The following ALMS1 variants were observed in gnomAD, a reference collection of about 807,000 sequenced individuals.
ALMS1 encodes centrosome-associated protein ALMS1.
In ALMS1, 271 loss-of-function variants were observed where a neutral mutation model predicts 352.2. The ratio of observed to expected loss-of-function variants is 0.77; its 90% CI spans 0.70 to 0.85. ALMS1 has a LOEUF of 0.85. ALMS1 is among the 40% of genes least tolerant of loss of function. ALMS1 has a pLI of 0.00. For missense variants in ALMS1, 5,445 were observed against 4,870.7 expected, an observed-to-expected ratio of 1.12 and a Z score of -3.51; for synonymous variants, 1,865 against 1,761.2, an observed-to-expected ratio of 1.06 and a Z score of -1.48.
At chr2:73,426,635 T>A in intron 6 of ALMS1, 82 bp downstream of exon 6, 1 of 1,383,906 alleles carries the variant, frequency 7.2e-7, no homozygotes, top group East Asian at 2.3e-5. Context: ...TTGTTTTTAT[T>A]TTACTTTTTA....
intron 10 of ALMS1, 37 bp from the exon 11 acceptor site, chr2:73,519,738 G>T: frequency 6.2e-7 from 1 of 1,613,076 alleles, no homozygotes; most frequent in South Asian, 1.1e-5. Context: ...AATGGCCAAG[G>T]ATATAATCTG....
At chr2:73,435,748 CA>C (rs1671592761) in intron 7 of ALMS1, among the ~76,000 whole-genome samples, 1 of 152,084 alleles carries the variant, frequency 6.6e-6, no homozygotes, top group Non-Finnish European at 1.5e-5. Context: ...TGTACCACTA[CA>C]CTGAGCTAAT....
chr2:73,430,253 T>G (rs922831641), intron 6 of ALMS1, among the ~76,000 whole-genome samples: 3 of 152,096 alleles, frequency 2.0e-5, no homozygotes, highest in Non-Finnish European at 4.4e-5. Flanking sequence ...ATTTTTTGTA[T>G]TTTTAGTAGA....
chr2:73,587,626 C>T (rs1675339916), intron 16 of ALMS1, among the ~76,000 whole-genome samples: 1 of 152,142 alleles, frequency 6.6e-6, no homozygotes, highest in South Asian at 2.1e-4. Context: ...TGGTATGAAA[C>T]CCACTTGACC....
Position 73,407,608 on chromosome 2 carries a change from T to C in ALMS1, c.325-1014T>C, listed in dbSNP as rs543575466. Among the ~76,000 whole-genome samples, 13 of 152,366 alleles carry C rather than the reference T, an allele frequency of 8.5e-5. 1 individual carries two copies. The South Asian group carries it at 2.7e-3, about 32-fold the overall frequency. On this transcript the variant is annotated intron_variant, in intron 1 of 22. Coordinates refer to ENST00000613296, the MANE Select transcript of ALMS1 (RefSeq NM_001378454.1). ...CTATCTAGCATCCTTTAATTTCAGCTTGAAGGACTGCCATTAGCATTTCTT... is the reference window on the plus strand; with the variant it reads ...CTATCTAGCATCCTTTAATTTCAGCCTGAAGGACTGCCATTAGCATTTCTT...
At chr2:73,437,135 G>A (rs865990124) in intron 7 of ALMS1, among the ~76,000 whole-genome samples, 13 of 152,134 alleles carry the variant, frequency 8.5e-5, no homozygotes, top group African/African-American at 3.1e-4. Context: ...TTAGGCTTGA[G>A]CTTTTTATGC....
chr2:73,508,210 T>C (rs1294261104), intron 10 of ALMS1, among the ~76,000 whole-genome samples: 26 of 146,776 alleles, frequency 1.8e-4, no homozygotes, highest in Non-Finnish European at 2.4e-4. Flanking sequence ...TCTTCTTCTT[T>C]TTTTTTTTTT....
intron 16 of ALMS1, among the ~76,000 whole-genome samples, chr2:73,597,175 T>A (rs1675570361): frequency 6.6e-6 from 1 of 152,136 alleles, no homozygotes; most frequent in African/African-American, 2.4e-5. Flanking sequence ...TATTTTATTC[T>A]TTTTGATGCT....
chr2:73,602,905 G>A (rs372645403), intron 20 of ALMS1, among the ~76,000 whole-genome samples: 8 of 152,314 alleles, frequency 5.3e-5, no homozygotes, highest in African/African-American at 1.9e-4. Flanking sequence ...TCTGGAGTCT[G>A]CATTCTTAAC....
chr2:73,422,889 C>A lies in ALMS1; in HGVS notation c.679C>A (p.Pro227Thr). The A allele has an allele frequency of 6.2e-7, 1 of 1,613,592 alleles. No individual in the cohort carries two copies. The highest frequency in any genetic ancestry group is 8.5e-7 in the Non-Finnish European group (1 of 1,179,604). Residue 227 changes from proline (P) to threonine (T), a missense_variant, in exon 4 of 23, where the codon CCT (proline) becomes ACT (threonine). Transcript: ENST00000613296. ...AGATAGCTTTGCTTCTCCTGATTTG[C>A]CTTTGCTGACCTGTTTGACACAAGA... Reference protein sequence around the residue: ...IQDSFASPDLPLLTCLTQDQE... With the variant: ...IQDSFASPDLTLLTCLTQDQE...
Position 73,448,046 on chromosome 2 carries a change from G to A in ALMS1, c.1519G>A (p.Gly507Arg). The change falls in exon 8 of 23, where the codon GGA (glycine) becomes AGA (arginine). Residue 507 changes from glycine (G) to arginine (R), a missense_variant. Transcript: ENST00000613296. ...TACCACTCCTGTTGATTCAGACATT[G>A]GATCTCATTTATCCTTGTCCCTTGA... ...ITTTPVDSDI[G>R]SHLSLSLEDL... 1 of 1,613,902 alleles carries A rather than the reference G, an allele frequency of 6.2e-7. No homozygotes were observed. Among genetic ancestry groups the A allele is most frequent in the African/African-American group, 1.3e-5 (1 of 75,020 alleles).
chr2:73,504,783 A>G (rs1432984886), intron 10 of ALMS1, among the ~76,000 whole-genome samples: 1 of 151,960 alleles, frequency 6.6e-6, no homozygotes, highest in African/African-American at 2.4e-5. Context: ...CTGAATGTTC[A>G]GGTTTGTTAC....
At chr2:73,500,328 G>C (rs550699565) in intron 10 of ALMS1, among the ~76,000 whole-genome samples, 2 of 152,166 alleles carry the variant, frequency 1.3e-5, no homozygotes, top group African/African-American at 2.4e-5. Context: ...TCTGTTGTCT[G>C]TGTGTGTGCC....
intron 10 of ALMS1, among the ~76,000 whole-genome samples, chr2:73,501,920 A>T (rs1464054676): frequency 6.6e-6 from 1 of 151,958 alleles, no homozygotes; most frequent in African/African-American, 2.4e-5. Context: ...TTCCCCACTT[A>T]TTTAAGTCAT....
chr2:73,421,657 A>G (rs992280588), intron 3 of ALMS1, among the ~76,000 whole-genome samples: 1 of 152,192 alleles, frequency 6.6e-6, no homozygotes, highest in Middle Eastern at 3.2e-3. Flanking sequence ...TAAAGTAGAC[A>G]CAGTTGACAA....
intron 11 of ALMS1, among the ~76,000 whole-genome samples, chr2:73,531,690 T>C (rs904684629): frequency 2.0e-5 from 3 of 152,228 alleles, no homozygotes; most frequent in African/African-American, 7.2e-5. Context: ...GCTTTAAAGA[T>C]ACTACCTGAG....
chr2:73,394,876 A>G (rs990946507), intron 1 of ALMS1, among the ~76,000 whole-genome samples: 11 of 151,806 alleles, frequency 7.2e-5, no homozygotes, highest in Non-Finnish European at 2.9e-5. Flanking sequence ...ACAGTACTGA[A>G]TACTGTAGGC....
intron 9 of ALMS1, among the ~76,000 whole-genome samples, chr2:73,463,068 G>C (rs1008762166): frequency 4.6e-5 from 7 of 152,052 alleles, no homozygotes; most frequent in African/African-American, 1.2e-4. Flanking sequence ...AGTTAACAAG[G>C]ATACCCAGCA....
chr2:73,580,962 C>T (rs1436862197), intron 16 of ALMS1, among the ~76,000 whole-genome samples: 1 of 152,230 alleles, frequency 6.6e-6, no homozygotes, highest in Non-Finnish European at 1.5e-5. Flanking sequence ...CAATGCTTAG[C>T]CAGGCCATTC....
Sources: gnomAD v4.1 joint callset for allele counts (sites outside exome capture counted in the v4.1 genomes callset) on GRCh38, gnomAD v4.1.1 for gene constraint, MANE v1.5 for transcripts, NCBI Gene and HGNC (gene_info 2026-07-23, HGNC 2026-07-21) for gene names.